TRMT11: variants seen among roughly 807,000 people sequenced by gnomAD.
TRMT11 encodes tRNA methyltransferase 11.
Under a neutral mutation model 62.8 loss-of-function variants are expected in TRMT11, and 53 were observed. That is an observed-to-expected ratio of 0.84 (90% CI 0.68 to 1.06). The LOEUF (loss-of-function observed/expected upper bound fraction) is 1.06, where lower values mean the gene tolerates loss of function less well. Among genes scored for constraint, TRMT11 ranks in the 50% least tolerant of loss-of-function variants. The pLI, the probability that TRMT11 is intolerant of heterozygous loss-of-function variation, is 0.00. For synonymous variants in TRMT11, 188 were observed against 190.3 expected (o/e 0.99, Z 0.10); for missense variants, 556 against 553.4 (o/e 1.00, Z -0.05).
intron 21 of TRMT11, among the ~76,000 whole-genome samples, chr6:126,116,903 A>AT (rs1226381866): frequency 6.6e-6 from 1 of 152,090 alleles, no homozygotes. Context: ...CTTTCCTATT[A>AT]TTAGCTCTCT....
intron 11 of TRMT11, among the ~76,000 whole-genome samples, chr6:126,014,958 T>C (rs1314657904): frequency 1.3e-5 from 2 of 152,158 alleles, no homozygotes; most frequent in East Asian, 3.9e-4. Context: ...GGTGAGGTTT[T>C]ATTAGTATTT....
chr6:126,239,333 C>G, the TRMT11 span, among the ~76,000 whole-genome samples: 2 of 152,150 alleles, frequency 1.3e-5, no homozygotes, highest in Non-Finnish European at 2.9e-5. Context: ...CATGTTTTTG[C>G]AGTGGCTGGT....
At chr6:126,044,236 G>A (rs913193575), downstream of TRMT11, among the ~76,000 whole-genome samples, 32 of 152,176 alleles carry the variant, frequency 2.1e-4, no homozygotes, top group Non-Finnish European at 4.3e-4. Flanking sequence ...TTTGTATAAA[G>A]TGTAAGGAAG....
At chr6:126,222,980 G>A in the TRMT11 span, among the ~76,000 whole-genome samples, 4,518 of 151,530 alleles carry the variant, frequency 0.03, 212 homozygotes, top group African/African-American at 0.1. Context: ...GTTTCCATGC[G>A]TAGCACTCAC....
the TRMT11 span, chr6:126,258,359 G>C: frequency 8.0e-6 from 3 of 373,310 alleles, no homozygotes; most frequent in Non-Finnish European, 1.6e-5. Context: ...CCAGGGCCAT[G>C]TACGTGCATC....
At chr6:126,135,481 T>C (rs547173999) in intron 21 of TRMT11, among the ~76,000 whole-genome samples, 1 of 151,842 alleles carries the variant, frequency 6.6e-6, no homozygotes, top group East Asian at 1.9e-4. Flanking sequence ...ATAATGAGAT[T>C]AAAGCAGTAG....
chr6:126,068,159 A>G (rs182367823), intron 17 of TRMT11, among the ~76,000 whole-genome samples: 282 of 152,108 alleles, frequency 1.9e-3, no homozygotes, highest in African/African-American at 6.6e-3. Flanking sequence ...ATTGTCCATC[A>G]TTTTTTATTG....
chr6:126,140,550 C>G (rs1480245687), intron 21 of TRMT11, among the ~76,000 whole-genome samples: 1 of 152,000 alleles, frequency 6.6e-6, no homozygotes, highest in Non-Finnish European at 1.5e-5. Context: ...TCAGTGGTTA[C>G]TGATGTGCGT....
intron 3 of TRMT11, 71 bp downstream of exon 3, chr6:125,996,111 C>G (rs1791464594): frequency 1.9e-6 from 2 of 1,078,906 alleles, no homozygotes; most frequent in Admixed American, 3.8e-5. Context: ...CTGTTTTTTG[C>G]TATATTGGGC....
At chr6:126,093,629 A>T (rs866106659) in intron 17 of TRMT11, among the ~76,000 whole-genome samples, 14,676 of 93,954 alleles carry the variant, frequency 0.16, 3,293 homozygotes, top group African/African-American at 0.48. Context: ...ATATATATAT[A>T]TATTTTCCCC....
the TRMT11 span, among the ~76,000 whole-genome samples, chr6:126,227,194 C>T: frequency 1.2e-4 from 18 of 152,176 alleles, 1 homozygote; most frequent in South Asian, 2.1e-4. Flanking sequence ...CTAGCAAAAC[C>T]CCACAAAGGA....
the TRMT11 span, among the ~76,000 whole-genome samples, chr6:126,222,694 T>G: frequency 6.6e-6 from 1 of 152,198 alleles, no homozygotes; most frequent in African/African-American, 2.4e-5. Flanking sequence ...TTTTTCTCTA[T>G]CCCTTTACTT....
At position 126,068,768 on chromosome 6, in the gene TRMT11, A is replaced by C. The variant is rs1202073548; in HGVS notation, c.*1437+15578A>C. 3.9e-5 allele frequency among the ~76,000 whole-genome samples: 6 copies of C among 152,218 alleles called. No homozygotes were observed. In the East Asian group the frequency reaches 1.2e-3, roughly 29 times the overall value. On this transcript the variant is annotated intron_variant and NMD_transcript_variant, in intron 17 of 22. Coordinates refer to the TRMT11 transcript ENST00000648977. ...CATTTTCCTGTAAATTTTAAAACCAAGTCCCACAAAATATGTTTGAATTTT... is the reference window on the plus strand; with the variant it reads ...CATTTTCCTGTAAATTTTAAAACCACGTCCCACAAAATATGTTTGAATTTT...
At chr6:126,234,637 A>G in the TRMT11 span, among the ~76,000 whole-genome samples, 2 of 152,220 alleles carry the variant, frequency 1.3e-5, no homozygotes, top group East Asian at 1.9e-4. Flanking sequence ...ATTTTTGCAT[A>G]CTGGGATATG....
the TRMT11 span, among the ~76,000 whole-genome samples, chr6:126,247,084 G>T: frequency 1.3e-5 from 2 of 152,140 alleles, no homozygotes; most frequent in Admixed American, 6.5e-5. Context: ...GTGTATGGTT[G>T]TTCTCCAAAC....
chr6:126,012,777 A>G lies in TRMT11; in HGVS notation c.932A>G (p.Tyr311Cys), dbSNP rs1402491671. The G allele has an allele frequency of 7.0e-5, 113 of 1,613,032 alleles. No individual in the cohort carries two copies. The highest frequency in any genetic ancestry group is 9.3e-5 in the Non-Finnish European group (110 of 1,179,310). The change falls in exon 10 of 13, where the codon TAT (tyrosine) becomes TGT (cysteine). Residue 311 changes from tyrosine (Y) to cysteine (C), a missense_variant. Transcript: ENST00000334379. The part of the protein sequence containing the change: ...YFDAIITDPP[Y>C]GIRESTRRTG... ...ACCTTTGTTTTCTGTCTAGCTCCATATGGTATCAGAGAATCTACAAGAAGA... is the reference window on the plus strand; with the variant it reads ...ACCTTTGTTTTCTGTCTAGCTCCATGTGGTATCAGAGAATCTACAAGAAGA...
chr6:126,071,762 G>A (rs1341187002), intron 17 of TRMT11, among the ~76,000 whole-genome samples: 1 of 151,310 alleles, frequency 6.6e-6, no homozygotes, highest in Non-Finnish European at 1.5e-5. Context: ...GTGTTGAATT[G>A]TAGTGTCAGA....
chr6:126,099,633 G>T (rs1777375184), intron 17 of TRMT11, among the ~76,000 whole-genome samples: 1 of 152,190 alleles, frequency 6.6e-6, no homozygotes, highest in African/African-American at 2.4e-5. Context: ...TGTAATCCCA[G>T]CTACTCGGGA....
At chr6:126,245,302 C>T in the TRMT11 span, among the ~76,000 whole-genome samples, 2 of 152,076 alleles carry the variant, frequency 1.3e-5, no homozygotes, top group Non-Finnish European at 2.9e-5. Context: ...TATTTATTTG[C>T]CTTTTATGCA....
Sources: gnomAD v4.1 joint callset for allele counts (sites outside exome capture counted in the v4.1 genomes callset) on GRCh38, gnomAD v4.1.1 for gene constraint, MANE v1.5 for transcripts, NCBI Gene and HGNC (gene_info 2026-07-23, HGNC 2026-07-21) for gene names.